Variants in C13orf46 observed in about 807,000 individuals in gnomAD.
C13orf46 encodes uncharacterized protein C13orf46.
At position 113,961,304 on chromosome 13, in the gene C13orf46, AAT is replaced by A. The variant is rs1269641869; in HGVS notation, c.572+3621_572+3622del. 2.0e-5 allele frequency among the ~76,000 whole-genome samples: 3 copies of A among 151,860 alleles called. No individual in the cohort carries two copies. In the South Asian group the frequency reaches 6.2e-4, roughly 32 times the overall value. On this transcript the variant is annotated intron_variant, in intron 6 of 6. Transcript: ENST00000636427. ...AAATTACATACATTTATATTAATAT[AAT>A]ATCAGTCATAATTTTGATAATGTCC...
chr13:113,964,377 T>G (rs1291668954), intron 6 of C13orf46, among the ~76,000 whole-genome samples: 2 of 152,018 alleles, frequency 1.3e-5, no homozygotes, highest in African/African-American at 2.4e-5. Flanking sequence ...CGGGGAGTCT[T>G]GGGGCTTCCC....
the C13orf46 span, among the ~76,000 whole-genome samples, chr13:113,931,936 G>A: frequency 6.6e-6 from 1 of 151,626 alleles, no homozygotes; most frequent in South Asian, 2.1e-4. Context: ...CCCCCAGGCT[G>A]GCCCCTGCCC....
the C13orf46 span, among the ~76,000 whole-genome samples, chr13:113,945,897 C>G: frequency 2.0e-5 from 3 of 152,280 alleles, no homozygotes; most frequent in East Asian, 5.8e-4. Context: ...AGGGGAACCA[C>G]CTTGAGGTCA....
At chr13:113,963,681 G>A (rs1035687413) in intron 6 of C13orf46, among the ~76,000 whole-genome samples, 10 of 147,468 alleles carry the variant, frequency 6.8e-5, no homozygotes, top group Admixed American at 1.3e-4. Context: ...CCTCAGCCAC[G>A]GCCCCTGTCC....
the C13orf46 span, among the ~76,000 whole-genome samples, chr13:113,932,516 T>C: frequency 5.9e-3 from 897 of 152,380 alleles, 9 homozygotes; most frequent in African/African-American, 0.02. Context: ...TGTCTGTTAA[T>C]ATAGCTTCTT....
chr13:113,968,387 G>A (rs2052670714), intron 4 of C13orf46, 80 bp downstream of exon 4: 1 of 152,172 alleles, frequency 6.6e-6, no homozygotes, highest in South Asian at 2.1e-4. Flanking sequence ...CACCGTCCCG[G>A]GCAGGTCCAG....
At chr13:113,962,162 G>A (rs1594246908) in intron 6 of C13orf46, among the ~76,000 whole-genome samples, 2 of 152,326 alleles carry the variant, frequency 1.3e-5, no homozygotes, top group East Asian at 1.9e-4. Context: ...CCAGCACATC[G>A]GGAGGCTGAG....
At chr13:113,932,278 A>G in the C13orf46 span, among the ~76,000 whole-genome samples, 4 of 151,880 alleles carry the variant, frequency 2.6e-5, no homozygotes, top group Non-Finnish European at 5.9e-5. Flanking sequence ...TCACATGGTG[A>G]CTCTGTGTAG....
the C13orf46 span, among the ~76,000 whole-genome samples, chr13:113,939,096 C>T: frequency 9.2e-5 from 14 of 152,162 alleles, no homozygotes; most frequent in Admixed American, 4.6e-4. Flanking sequence ...GAATTCAGGT[C>T]GGACTCATCT....
chr13:113,945,644 G>GAAAGAA, the C13orf46 span, among the ~76,000 whole-genome samples: 1 of 137,216 alleles, frequency 7.3e-6, no homozygotes, highest in African/African-American at 2.7e-5. Context: ...AAGAAAGAAA[G>GAAAGAA]AAAGAAAGAA....
chr13:113,954,900 T>C lies in C13orf46; in HGVS notation c.*1873A>G. On this transcript the variant is annotated 3_prime_UTR_variant, in exon 7 of 7. Coordinates refer to ENST00000636427, the MANE Select transcript of C13orf46 (RefSeq NM_001365455.2). ...GAGCATCTGGCAGAGACGAGGAGCA[T>C]CTGGCGGAGACGAGGAGGAGCATCT... is the stretch of plus-strand genomic sequence containing the variant. 1 of 167,262 alleles carries C rather than the reference T, an allele frequency of 6.0e-6. No individual in the cohort carries two copies. The highest frequency in any genetic ancestry group is 1.0e-4 in the South Asian group (1 of 9,896). The allele number at this position is 167,262 out of a possible 1,614,324, so 10.4% of individuals were successfully genotyped here.
the C13orf46 span, among the ~76,000 whole-genome samples, chr13:113,944,467 C>T: frequency 1.3e-5 from 2 of 152,234 alleles, no homozygotes; most frequent in Non-Finnish European, 2.9e-5. Flanking sequence ...CTGACAATGG[C>T]CTTGGAAATG....
At chr13:113,950,865 G>C (rs1484104765), downstream of C13orf46, among the ~76,000 whole-genome samples, 1 of 152,210 alleles carries the variant, frequency 6.6e-6, no homozygotes, top group Non-Finnish European at 1.5e-5. Flanking sequence ...TTCAGAACCA[G>C]AGCCAGAGAG....
At chr13:113,971,816 TGGTCAGCAAGGCCCG>T (rs977613410) in intron 1 of C13orf46, among the ~76,000 whole-genome samples, 1 of 152,208 alleles carries the variant, frequency 6.6e-6, no homozygotes, top group Admixed American at 6.5e-5. Context: ...ACTCTACCAG[TGGTCAGCAAGGCCCG>T]GCCCTTCTCC....
chr13:113,950,734 C>T (rs2052485363), downstream of C13orf46, among the ~76,000 whole-genome samples: 2 of 152,218 alleles, frequency 1.3e-5, no homozygotes, highest in Non-Finnish European at 2.9e-5. Flanking sequence ...CAGCTTTCTC[C>T]CACAGCTGGG....
At chr13:113,927,659 GAAT>G in the C13orf46 span, 1 of 398,512 alleles carries the variant, frequency 2.5e-6, no homozygotes, top group Non-Finnish European at 4.4e-6. Context: ...ATAAGACCAA[GAAT>G]AATTAATAAC....
At chr13:113,940,489 C>T in the C13orf46 span, among the ~76,000 whole-genome samples, 1 of 133,050 alleles carries the variant, frequency 7.5e-6, no homozygotes, top group African/African-American at 2.8e-5. Flanking sequence ...GCTGGGCATT[C>T]GAGACCCTGG....
intron 1 of C13orf46, among the ~76,000 whole-genome samples, chr13:113,972,284 G>T (rs889366856): frequency 1.3e-5 from 2 of 152,218 alleles, no homozygotes; most frequent in Non-Finnish European, 2.9e-5. Flanking sequence ...CCGTGGGGAG[G>T]GAGGTAGGGT....
chr13:113,938,681 C>T, the C13orf46 span, among the ~76,000 whole-genome samples: 2 of 152,220 alleles, frequency 1.3e-5, no homozygotes, highest in Admixed American at 1.3e-4. Context: ...TTGGGAGGGG[C>T]CCTTGCTGTG....
Sources: allele counts gnomAD v4.1 joint callset (sites outside exome capture counted in the v4.1 genomes callset), GRCh38; gene constraint gnomAD v4.1.1; transcripts MANE v1.5; gene names NCBI Gene and HGNC (gene_info 2026-07-23, HGNC 2026-07-21).